MACROD2: variants seen among roughly 807,000 people sequenced by gnomAD.
MACROD2 encodes ADP-ribose glycohydrolase MACROD2.
A neutral mutation model predicts 70.4 loss-of-function variants in MACROD2; 36 were observed. The observed-to-expected ratio is 0.51, with a 90% CI of 0.39 to 0.68. The LOEUF (loss-of-function observed/expected upper bound fraction) is 0.68, where lower values mean the gene tolerates loss of function less well. Among genes scored for constraint, MACROD2 ranks in the 30% least tolerant of loss-of-function variants. The pLI is 0.00. For synonymous variants in MACROD2, 172 were observed against 178.8 expected (o/e 0.96, Z 0.30); for missense variants, 496 against 538.4 (o/e 0.92, Z 0.78).
In MACROD2 at chr20:15,038,435, C is replaced by A. The variant is rs145511141; in HGVS notation, c.419-191505C>A. 3.4e-3 allele frequency among the ~76,000 whole-genome samples: 523 copies of A among 152,252 alleles called. 2 individuals carry two copies. Among genetic ancestry groups the A allele is most frequent in the African/African-American group, 0.012 (503 of 41,544 alleles). ...CTTCCAATTTATTCAGCAAGGAATT[C>A]TTTCCAAAAGTTTTTTGATGTGAGC... On this transcript the variant is annotated intron_variant, in intron 5 of 17. Transcript: ENST00000684519.
At chr20:15,570,645 G>A (rs1405234177) in intron 8 of MACROD2, among the ~76,000 whole-genome samples, 1 of 152,138 alleles carries the variant, frequency 6.6e-6, no homozygotes, top group African/African-American at 2.4e-5. Context: ...TCTCCATGCT[G>A]GCTTTATGTT....
intron 3 of MACROD2, among the ~76,000 whole-genome samples, chr20:14,476,231 A>G (rs79342305): frequency 1.2e-4 from 18 of 152,342 alleles, no homozygotes; most frequent in Middle Eastern, 3.4e-3. Flanking sequence ...ACTGTTTTAA[A>G]TTTTTTAAAC....
chr20:15,333,520 G>A (rs2078015986), intron 6 of MACROD2, among the ~76,000 whole-genome samples: 1 of 151,538 alleles, frequency 6.6e-6, no homozygotes, highest in Non-Finnish European at 1.5e-5. Flanking sequence ...ATCAGCGCTG[G>A]AAGAAGAGTT....
chr20:14,472,187 T>C (rs2084538507), intron 3 of MACROD2, among the ~76,000 whole-genome samples: 2 of 152,314 alleles, frequency 1.3e-5, no homozygotes, highest in South Asian at 4.1e-4. Context: ...CTGATTACTG[T>C]TTAGAATAAG....
At chr20:15,904,628 C>T (rs963060454) in intron 10 of MACROD2, among the ~76,000 whole-genome samples, 3 of 151,912 alleles carry the variant, frequency 2.0e-5, no homozygotes, top group African/African-American at 7.3e-5. Context: ...CGCGGTGGCT[C>T]ACGCCTGTAA....
chr20:14,990,175 T>G (rs948897639), intron 5 of MACROD2, among the ~76,000 whole-genome samples: 8 of 152,092 alleles, frequency 5.3e-5, no homozygotes, highest in African/African-American at 1.9e-4. Context: ...GCTGTTCACA[T>G]TTCCAAAACC....
chr20:14,890,680 T>C (rs2073744052), intron 5 of MACROD2, among the ~76,000 whole-genome samples: 1 of 150,698 alleles, frequency 6.6e-6, no homozygotes, highest in South Asian at 2.1e-4. Context: ...GAGGATTACG[T>C]GAGCCCAGAA....
At chr20:14,840,775 C>T (rs759242040) in intron 5 of MACROD2, among the ~76,000 whole-genome samples, 9 of 152,098 alleles carry the variant, frequency 5.9e-5, no homozygotes, top group Non-Finnish European at 8.8e-5. Context: ...TTTCACTTTA[C>T]TCTTTGCTCT....
chr20:15,804,647 C>A lies in MACROD2; in HGVS notation c.646-58098C>A, dbSNP rs779684292. On this transcript the variant is annotated intron_variant, in intron 8 of 17. Transcript: ENST00000684519. The stretch of plus-strand genomic sequence containing the variant: ...GAGTTTACAGTGGATAGGACTCTGC[C>A]CTATCCCACCCACACATCTAGGTTT... Among the ~76,000 whole-genome samples, 14 of 152,096 alleles carry A rather than the reference C, an allele frequency of 9.2e-5. No individual in the cohort carries two copies. The South Asian group carries it at 1.0e-3, about 11-fold the overall frequency.
chr20:15,592,726 A>G (rs893608730), intron 8 of MACROD2, among the ~76,000 whole-genome samples: 5 of 152,228 alleles, frequency 3.3e-5, no homozygotes, highest in Admixed American at 2.6e-4. Flanking sequence ...AAAGCTGAAG[A>G]CATTCTTTAT....
intron 6 of MACROD2, among the ~76,000 whole-genome samples, chr20:15,387,494 T>C (rs1421892937): frequency 6.6e-6 from 1 of 151,416 alleles, no homozygotes; most frequent in Non-Finnish European, 1.5e-5. Flanking sequence ...TCTCCCCTTC[T>C]CCATTCCTTT....
chr20:14,067,566 A>G lies in MACROD2; in HGVS notation c.164-18055A>G, dbSNP rs1191824738. Among the ~76,000 whole-genome samples the G allele has an allele frequency of 2.0e-5, 3 of 152,190 alleles. No homozygotes were observed. The East Asian group carries it at 5.8e-4, about 29-fold the overall frequency. On this transcript the variant is annotated intron_variant, in intron 2 of 17. Coordinates refer to ENST00000684519, the MANE Select transcript of MACROD2 (RefSeq NM_001351661.2). ...TTTATTTTTACACAAGATTACTTGA[A>G]GAATTAGGTTGCATTATTATATAAG...
chr20:14,109,901 A>G (rs2054425020), intron 3 of MACROD2, among the ~76,000 whole-genome samples: 2 of 151,924 alleles, frequency 1.3e-5, no homozygotes, highest in South Asian at 4.1e-4. Flanking sequence ...TACCAAAATG[A>G]AAGACACATA....
chr20:15,215,363 T>TA (rs1201969888), intron 5 of MACROD2, among the ~76,000 whole-genome samples: 8 of 150,420 alleles, frequency 5.3e-5, no homozygotes, highest in South Asian at 2.1e-4. Flanking sequence ...CTTTTAACCT[T>TA]AAAAAAACTA....
chr20:15,190,161 C>A (rs1422753409), intron 5 of MACROD2, among the ~76,000 whole-genome samples: 2 of 152,182 alleles, frequency 1.3e-5, no homozygotes, highest in African/African-American at 4.8e-5. Context: ...CTAACAAGGG[C>A]AGTATGTGTT....
intron 15 of MACROD2, among the ~76,000 whole-genome samples, chr20:16,030,822 G>T: frequency 6.6e-6 from 1 of 152,202 alleles, no homozygotes; most frequent in Middle Eastern, 3.4e-3. Flanking sequence ...GATAGGTGTC[G>T]CTGAAATTTA....
intron 3 of MACROD2, among the ~76,000 whole-genome samples, chr20:14,446,342 A>G (rs537441346): frequency 1.3e-5 from 2 of 152,124 alleles, no homozygotes; most frequent in Non-Finnish European, 2.9e-5. Context: ...AAATTGAGGC[A>G]TTAGTGTGTC....
At chr20:14,796,984 T>A (rs892247419) in intron 5 of MACROD2, among the ~76,000 whole-genome samples, 1 of 152,036 alleles carries the variant, frequency 6.6e-6, no homozygotes, top group Non-Finnish European at 1.5e-5. Flanking sequence ...CTTTCTTCCA[T>A]AAGCCCCCTC....
chr20:15,797,274 C>T (rs796599338), intron 8 of MACROD2, among the ~76,000 whole-genome samples: 14 of 152,246 alleles, frequency 9.2e-5, no homozygotes, highest in African/African-American at 1.9e-4. Context: ...CTACCACGCC[C>T]GGCTAATTTT....
Sources: gnomAD v4.1 joint callset for allele counts (sites outside exome capture counted in the v4.1 genomes callset) on GRCh38, gnomAD v4.1.1 for gene constraint, MANE v1.5 for transcripts, NCBI Gene and HGNC (gene_info 2026-07-23, HGNC 2026-07-21) for gene names.